Variants in ATP7A observed in about 807,000 individuals in gnomAD.
ATP7A encodes ATPase copper transporting alpha.
In ATP7A, 7 loss-of-function variants were observed where a neutral mutation model predicts 83.5. The observed-to-expected ratio is 0.08, with a 90% CI of 0.05 to 0.16. ATP7A has a LOEUF of 0.16. Among genes scored for constraint, ATP7A ranks in the 10% least tolerant of loss-of-function variants. The probability of loss-of-function intolerance (pLI) is 1.00; values close to 1 mark genes in which losing one functional copy is unlikely to be tolerated. For missense variants in ATP7A, 940 were observed against 1,120.8 expected (o/e 0.84, Z 2.30); for synonymous variants, 354 against 395.2 (o/e 0.90, Z 1.24).
chrX:77,984,048 C>T (rs1333454996), intron 2 of ATP7A, among the ~76,000 whole-genome samples: 3 of 111,614 alleles, frequency 2.7e-5, no homozygotes, highest in African/African-American at 9.8e-5. Context: ...ACATTGGTTC[C>T]TAATAAAAGA....
chrX:77,982,147 G>A (rs1195897389), intron 2 of ATP7A, among the ~76,000 whole-genome samples: 1 of 111,254 alleles, frequency 9.0e-6, no homozygotes, highest in Non-Finnish European at 1.9e-5. Flanking sequence ...ATTATGGGTG[G>A]TGAATCAAAC....
chrX:77,974,621 GATTA>G (rs1202465218), intron 2 of ATP7A: 3 of 284,145 alleles, frequency 1.1e-5, no homozygotes, highest in East Asian at 4.9e-5. Context: ...CTATTTATCA[GATTA>G]ATTAAGTTAT....
At chrX:77,959,322 A>G (rs1255673454) in intron 1 of ATP7A, among the ~76,000 whole-genome samples, 1 of 111,859 alleles carries the variant, frequency 8.9e-6, no homozygotes, top group Non-Finnish European at 1.9e-5. Flanking sequence ...ATATAAGATC[A>G]TGCCACCTGC....
chrX:77,971,823 T>G lies in ATP7A; in HGVS notation c.120+62T>G, dbSNP rs1414988721. The G allele has an allele frequency of 7.0e-6, 8 of 1,150,481 alleles. No homozygotes were observed. The East Asian group carries it at 2.4e-4, about 34-fold the overall frequency. 94.8% of individuals were successfully genotyped at this position (1,150,481 alleles called of 1,213,427 possible). On this transcript the variant is annotated intron_variant, in intron 2 of 22. Transcript: ENST00000341514. The stretch of plus-strand genomic sequence containing the variant: ...TGAAGAGAATTCTACTAGAAATTAC[T>G]TCTAACAATGAGATAGAAGCAGACA...
chrX:78,006,601 A>G (rs1263738517), intron 6 of ATP7A, among the ~76,000 whole-genome samples: 1 of 112,014 alleles, frequency 8.9e-6, no homozygotes, highest in Admixed American at 9.5e-5. Context: ...TTTCATCCCC[A>G]TTAAAATAAA....
chrX:78,010,595 T>TG, intron 7 of ATP7A, among the ~76,000 whole-genome samples: 1 of 94,000 alleles, frequency 1.1e-5, no homozygotes. Context: ...TTTTTTTTTT[T>TG]TGGAGACAGA....
At chrX:78,044,217 G>A (rs1459685915) in intron 21 of ATP7A, among the ~76,000 whole-genome samples, 1 of 90,212 alleles carries the variant, frequency 1.1e-5, no homozygotes, top group Non-Finnish European at 2.1e-5. Context: ...TCGCGCCATC[G>A]CACTTCAGCC....
At chrX:77,948,084 TATTTATTTATTTATTTATTC>T (rs1218849529) in intron 1 of ATP7A, among the ~76,000 whole-genome samples, 6 of 93,611 alleles carry the variant, frequency 6.4e-5, no homozygotes, top group African/African-American at 2.1e-4. Flanking sequence ...TTTATTTATT[TATTTATTTATTTATTTATTC>T]ATTCATTCAT....
At chrX:77,970,918 G>A (rs782026159) in intron 1 of ATP7A, among the ~76,000 whole-genome samples, 2 of 111,724 alleles carry the variant, frequency 1.8e-5, no homozygotes, top group Non-Finnish European at 3.8e-5. Context: ...AGAAAAAGCA[G>A]AGGTAAGGGG....
At position 77,976,319 on chromosome X, in the gene ATP7A, T is replaced by C. The variant is rs1262455427; in HGVS notation, c.120+4558T>C. 2.7e-5 allele frequency among the ~76,000 whole-genome samples: 3 copies of C among 112,558 alleles called. No homozygotes were observed. The Admixed American group carries it at 2.8e-4, about 11-fold the overall frequency. On this transcript the variant is annotated intron_variant, in intron 2 of 22. Transcript: ENST00000341514. ...GAGAGCTCTACTTTTTAACTATTCT[T>C]GATCTAAACATTAACTTTTACCATT...
chrX:77,998,675 C>T lies in ATP7A; in HGVS notation c.1534C>T (p.Arg512Trp), dbSNP rs1030215501. The change falls in exon 5 of 23, where the codon CGG becomes TGG. Residue 512 changes from arginine to tryptophan, a missense_variant. Physicochemically the swap from Arg to Trp is moderately radical, Grantham distance 101. Coordinates refer to ENST00000341514, the MANE Select transcript of ATP7A (RefSeq NM_000052.7). ...AGCAAACATTGAACGGAATTTAAGG[C>T]GGGAAGAAGGTGAGACACTCTTGAA... ...CVANIERNLR[R>W]EEGIYSILVA... 6.6e-6 allele frequency: 8 copies of T among 1,210,725 alleles called. No individual in the cohort carries two copies. The highest frequency in any genetic ancestry group is 2.2e-5 in the Admixed American group (1 of 45,978).
intron 1 of ATP7A, among the ~76,000 whole-genome samples, chrX:77,960,151 C>T (rs1256376056): frequency 1.7e-4 from 19 of 112,179 alleles, no homozygotes; most frequent in Non-Finnish European, 3.4e-4. Flanking sequence ...GAGGTTGAGG[C>T]GGGTGGACCA....
intron 9 of ATP7A, 134 bp from the exon 10 acceptor site, chrX:78,012,745 G>A: frequency 1.8e-6 from 1 of 557,137 alleles, no homozygotes; most frequent in Non-Finnish European, 3.0e-6. Context: ...GATTGTTTTG[G>A]CTTAATCTCC....
chrX:78,032,336 A>G (rs998787058), intron 16 of ATP7A, among the ~76,000 whole-genome samples: 50 of 111,443 alleles, frequency 4.5e-4, no homozygotes, highest in African/African-American at 1.6e-3. Context: ...ATGCCTATCA[A>G]TGCAATTGCT....
rs782071531 is a variant in ATP7A, at chrX:78,031,388, A to T, written c.3112-12A>T. The T allele has an allele frequency of 1.7e-6, 2 of 1,204,139 alleles. No homozygotes were observed. The highest frequency in any genetic ancestry group is 3.0e-5 in the East Asian group (1 of 33,792). ...AGGATCATCAAGTCATTGTATCTTA[A>T]TTTTTTTACAGGTAAAGGTAGTGGT... On this transcript the variant is annotated splice_polypyrimidine_tract_variant and intron_variant, in intron 15 of 22. Coordinates refer to ENST00000341514, the MANE Select transcript of ATP7A (RefSeq NM_000052.7).
chrX:78,011,669 G>C lies in ATP7A; in HGVS notation c.2167G>C (p.Val723Leu). 5 of 1,204,355 alleles carry C rather than the reference G, an allele frequency of 4.2e-6. No individual in the cohort carries two copies. The highest frequency in any genetic ancestry group is 5.6e-6 in the Non-Finnish European group (5 of 889,102). Reference sequence around the variant, plus strand: ...GCTGTCCTTTTTATTGTGTGTACCTGTACAGGCAAGTGAATTGTTAGCAAA... The same window carrying C: ...GCTGTCCTTTTTATTGTGTGTACCTCTACAGGCAAGTGAATTGTTAGCAAA... ...NLLSFLLCVP[V>L]QFFGGWYFYI... is the part of the protein sequence containing the mutation. Residue 723 changes from valine to leucine, a missense_variant, in exon 9 of 23, where the codon GTA (valine) becomes CTA (leucine). By Grantham distance (32) the Val-to-Leu change is conservative. Coordinates refer to ENST00000341514, the MANE Select transcript of ATP7A (RefSeq NM_000052.7).
At chrX:77,996,186 A>G (rs1196565305) in intron 4 of ATP7A, among the ~76,000 whole-genome samples, 1 of 112,253 alleles carries the variant, frequency 8.9e-6, no homozygotes, top group Non-Finnish European at 1.9e-5. Context: ...ATAGATATAC[A>G]TTTATATATA....
At chrX:78,041,693 A>G (rs1244562211) in intron 19 of ATP7A, among the ~76,000 whole-genome samples, 4 of 112,008 alleles carry the variant, frequency 3.6e-5, no homozygotes, top group African/African-American at 1.3e-4. Flanking sequence ...ATATGCATAT[A>G]TGTGCATATA....
At position 78,038,948 on chromosome X, in the gene ATP7A, A is replaced by G; in HGVS notation, c.3624A>G (p.Arg1208=). The change falls in exon 18 of 23, where the codon AGA becomes AGG. Residue 1208 remains arginine (R), a synonymous_variant. Transcript: ENST00000341514. ...ATGATTTCATGACTGAACATGAGAGAAAAGGTCGGACTGCTGTATTAGTAG... is the reference window on the plus strand; with the variant it reads ...ATGATTTCATGACTGAACATGAGAGGAAAGGTCGGACTGCTGTATTAGTAG... The part of the protein sequence containing the change: ...DVNDFMTEHE[R]KGRTAVLVAV... The G allele has an allele frequency of 1.7e-6, 2 of 1,211,297 alleles. No individual in the cohort carries two copies. Among genetic ancestry groups the G allele is most frequent in the South Asian group, 1.8e-5 (1 of 56,975 alleles).
Sources: gnomAD v4.1 joint callset for allele counts (sites outside exome capture counted in the v4.1 genomes callset) on GRCh38, gnomAD v4.1.1 for gene constraint, MANE v1.5 for transcripts, NCBI Gene and HGNC (gene_info 2026-07-23, HGNC 2026-07-21) for gene names.